HELB: variants seen among roughly 807,000 people sequenced by gnomAD.
HELB encodes DNA 5'-3' helicase B.
A neutral mutation model predicts 101.7 loss-of-function variants in HELB; 96 were observed. That is an observed-to-expected ratio of 0.94 (90% CI 0.80 to 1.12). The LOEUF (loss-of-function observed/expected upper bound fraction) is 1.12. Ranked by LOEUF, HELB falls within the 50% of genes most tolerant of loss-of-function variation. The pLI, the probability that HELB is intolerant of heterozygous loss-of-function variation, is 0.00. For synonymous variants in HELB, 437 were observed against 459.7 expected, an observed-to-expected ratio of 0.95 and a Z score of 0.63; for missense variants, 1,210 against 1,291.9, an observed-to-expected ratio of 0.94 and a Z score of 0.97.
At chr12:66,325,272 C>T (rs11176144) in intron 11 of HELB, 146 bp downstream of exon 11, 342,478 of 547,204 alleles carry the variant, frequency 0.63, 114,719 homozygotes, top group Middle Eastern at 0.76. Flanking sequence ...ATAGAGAAGA[C>T]GCCACCCTTT....
At chr12:66,338,381 C>A, downstream of HELB, 1 of 233,456 alleles carries the variant, frequency 4.3e-6, no homozygotes, top group Non-Finnish European at 8.2e-6. Context: ...GTGGCTCATG[C>A]CTGTAATCCC....
chr12:66,326,821 C>CAGG (rs1359947798), intron 11 of HELB, among the ~76,000 whole-genome samples: 1 of 149,396 alleles, frequency 6.7e-6, no homozygotes, highest in Non-Finnish European at 1.5e-5. Context: ...CACTTGCAGT[C>CAGG]AGGAGTTCAA....
At chr12:66,313,505 T>C (rs1289223392) in intron 4 of HELB, among the ~76,000 whole-genome samples, 1 of 152,186 alleles carries the variant, frequency 6.6e-6, no homozygotes, top group Non-Finnish European at 1.5e-5. Context: ...ACATTTGTAA[T>C]AAAGAATTTT....
At chr12:66,315,851 C>G (rs2053598379) in intron 6 of HELB, among the ~76,000 whole-genome samples, 2 of 152,156 alleles carry the variant, frequency 1.3e-5, no homozygotes, top group African/African-American at 2.4e-5. Context: ...AGAAAAGAAC[C>G]CTTCTCTTCC....
In HELB at chr12:66,305,010, A is replaced by G. The variant is rs762260958; in HGVS notation, c.467A>G (p.Asn156Ser). 143 of 1,613,708 alleles carry G rather than the reference A, an allele frequency of 8.9e-5. No homozygotes were observed. The highest frequency in any genetic ancestry group is 1.2e-4 in the Non-Finnish European group (139 of 1,179,958). ...GTAAAGGAGGTATCAAACTACAAAA[A>G]CCTAAACTTTGAAAATCTTAGGGAA... Reference protein sequence around the residue: ...TWVKEVSNYKNLNFENLRETL... With the variant: ...TWVKEVSNYKSLNFENLRETL... The change falls in exon 2 of 13, where the codon AAC becomes AGC. Residue 156 changes from asparagine to serine, a missense_variant. This residue lies in a region of HELB where 470 missense variants were observed against 563.1 expected (regional missense o/e 0.83). Coordinates refer to ENST00000247815, the MANE Select transcript of HELB (RefSeq NM_001370285.1).
chr12:66,325,380 C>T (rs1350594819), intron 11 of HELB, among the ~76,000 whole-genome samples: 1 of 152,146 alleles, frequency 6.6e-6, no homozygotes, highest in Non-Finnish European at 1.5e-5. Context: ...CCTGAGTCTC[C>T]AGTATGGCTT....
intron 1 of HELB, 105 bp from the exon 2 acceptor site, chr12:66,304,626 G>A (rs962182851): frequency 3.4e-5 from 34 of 1,013,770 alleles, no homozygotes; most frequent in Non-Finnish European, 4.6e-5. Context: ...AGAGAGTGCT[G>A]TAGGGAGATT....
chr12:66,308,082 C>T (rs2053498882), intron 3 of HELB, among the ~76,000 whole-genome samples: 2 of 149,784 alleles, frequency 1.3e-5, no homozygotes, highest in Admixed American at 1.3e-4. Context: ...CATTACATAT[C>T]AGCTACTGTA....
At chr12:66,322,599 A>G (rs1157895758) in intron 8 of HELB, 125 bp from the exon 9 acceptor site, 1 of 543,366 alleles carries the variant, frequency 1.8e-6, no homozygotes, top group African/African-American at 2.0e-5. Context: ...AAGTAGAAAA[A>G]TACTATTTCC....
At chr12:66,311,466 C>T (rs772661622) in intron 4 of HELB, among the ~76,000 whole-genome samples, 3 of 152,088 alleles carry the variant, frequency 2.0e-5, no homozygotes, top group Non-Finnish European at 4.4e-5. Flanking sequence ...TGTCTAAAAA[C>T]AACAGCAAAA....
At chr12:66,302,840 G>C in intron 1 of HELB, 50 bp downstream of exon 1, 7 of 1,498,402 alleles carry the variant, frequency 4.7e-6, no homozygotes, top group Non-Finnish European at 6.3e-6. Context: ...CCAAAGTAGC[G>C]CTTCCCATTC....
At chr12:66,321,632 TG>T (rs1194092319) in intron 7 of HELB, 2 of 276,250 alleles carry the variant, frequency 7.2e-6, no homozygotes, top group Non-Finnish European at 1.4e-5. Flanking sequence ...TTTGTACTCT[TG>T]TTTATTTCTT....
intron 12 of HELB, 121 bp from the exon 13 acceptor site, chr12:66,337,880 C>A (rs961586175): frequency 1.1e-5 from 7 of 618,510 alleles, no homozygotes; most frequent in African/African-American, 3.7e-5. Context: ...GTTGCTGAAG[C>A]CTTTCAAGGG....
In HELB at chr12:66,323,447, A is replaced by T. The variant is rs2053697387; in HGVS notation, c.2298-536A>T. On this transcript the variant is annotated intron_variant, in intron 9 of 12. Coordinates refer to ENST00000247815, the MANE Select transcript of HELB (RefSeq NM_001370285.1). ...CGTCTATAAAAGCGGGTATGGACAC[A>T]GAATTTCCCTTACCAAGTTGTAGTA... Among the ~76,000 whole-genome samples, 3 of 152,318 alleles carry T rather than the reference A, an allele frequency of 2.0e-5. 1 individual carries two copies. In the South Asian group the frequency reaches 6.2e-4, roughly 32 times the overall value.
rs149675900 is a variant in HELB at position 66,324,590 on chromosome 12, T to C, written c.2526+379T>C. 6.9e-4 allele frequency: 181 copies of C among 260,458 alleles called. 1 individual carries two copies. The highest frequency in any genetic ancestry group is 3.7e-3 in the African/African-American group (167 of 44,722). 16.1% of individuals were successfully genotyped at this position (260,458 alleles called of 1,614,324 possible). A position where few individuals can be genotyped will look rare whatever the true frequency, so the allele number is the denominator to read the frequency against. On this transcript the variant is annotated intron_variant, in intron 10 of 12. Transcript: ENST00000247815. ...TGTTGCTGCTTAAATGTAGAAACTA[T>C]AGAAGTGGTTGCCTTGTATTTGTTC...
At chr12:66,305,268 G>T in intron 2 of HELB, 118 bp downstream of exon 2, 1 of 688,304 alleles carries the variant, frequency 1.5e-6, no homozygotes, top group Non-Finnish European at 2.4e-6. Flanking sequence ...TGAAAAATGT[G>T]TTTATGTTGC....
intron 12 of HELB, among the ~76,000 whole-genome samples, chr12:66,335,232 G>A (rs1476613423): frequency 6.6e-6 from 1 of 152,206 alleles, no homozygotes; most frequent in Admixed American, 6.5e-5. Flanking sequence ...GGGTAGGAAA[G>A]GCCCACTTGG....
rs1172028979 is a variant in HELB, at chr12:66,304,754, CAA to C, written c.212_213del (p.Gln71ArgfsTer4). On this transcript the variant is annotated frameshift_variant, in exon 2 of 13. Transcript: ENST00000247815. LOFTEE classifies it high-confidence loss of function. ...AGTTTCTATTTGTGATGAAAACACA[CAA>C]GAGACATGTAAAGTGTTTGGACGTT... ...LRVSICDENT[Q>X]ETCKVFGRFP... 6.2e-7 allele frequency: 1 copy of C among 1,608,002 alleles called. No individual in the cohort carries two copies.
chr12:66,329,002 G>A (rs899170110), intron 11 of HELB, among the ~76,000 whole-genome samples: 6 of 152,172 alleles, frequency 3.9e-5, no homozygotes, highest in African/African-American at 1.4e-4. Flanking sequence ...GGGAGCTGTT[G>A]AAGATTTTGT....
Sources: allele counts gnomAD v4.1 joint callset (sites outside exome capture counted in the v4.1 genomes callset), GRCh38; gene constraint gnomAD v4.1.1; regional missense constraint gnomAD v4.1.1; transcripts MANE v1.5; gene names NCBI Gene and HGNC (gene_info 2026-07-23, HGNC 2026-07-21).